Variants in COX11 observed in about 807,000 individuals in gnomAD.
The protein encoded by COX11 is cytochrome c oxidase assembly protein COX11, mitochondrial.
COX11 carries 18 observed loss-of-function variants against 29.4 expected under a neutral mutation model. That is an observed-to-expected ratio of 0.61 (90% CI 0.42 to 0.91). The LOEUF (loss-of-function observed/expected upper bound fraction) is 0.91. Ranked by LOEUF, COX11 falls within the 40% of genes least tolerant of loss-of-function variation. The probability of loss-of-function intolerance (pLI) is 0.00; values close to 1 mark genes in which losing one functional copy is unlikely to be tolerated. For missense variants in COX11, 312 were observed against 346.0 expected, an observed-to-expected ratio of 0.90 and a Z score of 0.78; for synonymous variants, 131 against 124.0, an observed-to-expected ratio of 1.06 and a Z score of -0.38.
chr17:54,966,603 T>C (rs2077220340), intron 1 of COX11, among the ~76,000 whole-genome samples: 1 of 152,192 alleles, frequency 6.6e-6, no homozygotes. Flanking sequence ...CAACCAAAAA[T>C]GTCTTCACAC....
chr17:54,966,123 G>A (rs2077213029), intron 1 of COX11, among the ~76,000 whole-genome samples: 1 of 152,188 alleles, frequency 6.6e-6, no homozygotes, highest in African/African-American at 2.4e-5. Flanking sequence ...CCTTCTGCCT[G>A]AGTGCTGTGT....
In COX11 at chr17:54,962,730, A is replaced by C. The variant is rs762844001; in HGVS notation, c.*3T>G. On this transcript the variant is annotated 3_prime_UTR_variant, in exon 4 of 4. Transcript: ENST00000299335. Reference sequence around the variant, plus strand: ...ACTTTGAAGGAAGACTTAGTTGCTGACTTCAATTATATCCTGGAACTGGCA... The same window carrying C: ...ACTTTGAAGGAAGACTTAGTTGCTGCCTTCAATTATATCCTGGAACTGGCA... 1.2e-6 allele frequency: 2 copies of C among 1,607,754 alleles called. No homozygotes were observed. Among genetic ancestry groups the C allele is most frequent in the Non-Finnish European group, 8.5e-7 (1 of 1,178,352 alleles).
chr17:54,963,568 T>C, intron 2 of COX11, 137 bp from the exon 3 acceptor site: 1 of 794,996 alleles, frequency 1.3e-6, no homozygotes, highest in East Asian at 3.0e-5. Flanking sequence ...GCAAAATAAA[T>C]TGTGAATATT....
exon 1 of COX11, chr17:54,953,427 G>T (rs1157373924): frequency 6.6e-6 from 1 of 152,360 alleles, no homozygotes; most frequent in East Asian, 1.9e-4. Flanking sequence ...GGGCTCCTTG[G>T]GGGAGATGTG....
At position 54,960,760 on chromosome 17, in the gene COX11, A is replaced by G; in HGVS notation, c.*1973T>C. Reference sequence around the variant, plus strand: ...ACACTTTGAAATATGAGTTCCCCTGAATCATTCAAATTGTGCTGAACCATT... The same window carrying G: ...ACACTTTGAAATATGAGTTCCCCTGGATCATTCAAATTGTGCTGAACCATT... On this transcript the variant is annotated 3_prime_UTR_variant, in exon 4 of 4. Coordinates refer to ENST00000299335, the MANE Select transcript of COX11 (RefSeq NM_004375.5). The G allele has an allele frequency of 1.5e-6, 1 of 669,494 alleles. No individual in the cohort carries two copies. The highest frequency in any genetic ancestry group is 2.7e-5 in the East Asian group (1 of 36,628). The allele number at this position is 669,494 out of a possible 1,614,324, so 41.5% of individuals were successfully genotyped here. A position where few individuals can be genotyped will look rare whatever the true frequency, so the allele number is the denominator to read the frequency against.
At chr17:54,965,741 G>A (rs1366277080) in intron 1 of COX11, among the ~76,000 whole-genome samples, 1 of 151,402 alleles carries the variant, frequency 6.6e-6, no homozygotes, top group Non-Finnish European at 1.5e-5. Flanking sequence ...TGAGGCAGAA[G>A]AATTGCTTGA....
Position 54,964,867 on chromosome 17 carries a change from C to T in COX11, c.367-15G>A. The T allele has an allele frequency of 1.2e-6, 2 of 1,608,878 alleles. No individual in the cohort carries two copies. Among genetic ancestry groups the T allele is most frequent in the Non-Finnish European group, 1.7e-6 (2 of 1,178,160 alleles). ...AGTCCAGTAGTCTAGAAAAAGATACCAAATATGTTAAACAATACTTTTAGG... is the reference window on the plus strand; with the variant it reads ...AGTCCAGTAGTCTAGAAAAAGATACTAAATATGTTAAACAATACTTTTAGG... On this transcript the variant is annotated splice_polypyrimidine_tract_variant and intron_variant, in intron 1 of 3. Transcript: ENST00000299335.
In COX11 at chr17:54,960,930, C is replaced by A. The variant is rs1234782438; in HGVS notation, c.*1803G>T. On this transcript the variant is annotated 3_prime_UTR_variant, in exon 4 of 4. Transcript: ENST00000299335. ...GCACTGAAATCAGGCATTTGTTTTT[C>A]ATATGCAGTTAATACTTGTTAACCG... Among the ~76,000 whole-genome samples, 6 of 152,170 alleles carry A rather than the reference C, an allele frequency of 3.9e-5. No homozygotes were observed. The highest frequency in any genetic ancestry group is 1.4e-4 in the African/African-American group (6 of 41,440).
intron 1 of COX11, among the ~76,000 whole-genome samples, chr17:54,965,711 C>T (rs1480650404): frequency 6.6e-6 from 1 of 152,016 alleles, no homozygotes; most frequent in East Asian, 1.9e-4. Context: ...CGCCTGTAGT[C>T]CCAGGTCTAC....
At position 54,968,480 on chromosome 17, in the gene COX11, C is replaced by G. The variant is rs985625756; in HGVS notation, c.167G>C (p.Trp56Ser). ...CCGGGCTCGAAGGCTGCAGCGCTTC[C>G]ATGTCCCAAGCCACCTCAGTCCTCT... is the stretch of plus-strand genomic sequence containing the variant. ...AERGLRWLGTWKRCSLRARHP... is the reference protein window; with the variant it reads ...AERGLRWLGTSKRCSLRARHP... The change falls in exon 1 of 4, where the codon TGG becomes TCG. Residue 56 changes from tryptophan to serine, a missense_variant. This residue lies in a region of COX11 where 130 missense variants were observed against 106.0 expected (regional missense o/e 1.23). Transcript: ENST00000299335. 7 of 1,613,408 alleles carry G rather than the reference C, an allele frequency of 4.3e-6. No homozygotes were observed. The highest frequency in any genetic ancestry group is 1.3e-5 in the African/African-American group (1 of 74,900).
chr17:54,955,074 G>A (rs2049426350), exon 1 of COX11: 1 of 149,298 alleles, frequency 6.7e-6, no homozygotes, highest in Non-Finnish European at 1.5e-5. Context: ...GACATTCTAC[G>A]GTCTCTGCAC....
At position 54,968,266 on chromosome 17, in the gene COX11, G is replaced by C. The variant is rs934536357; in HGVS notation, c.366+15C>G. The C allele has an allele frequency of 6.9e-6, 11 of 1,600,976 alleles. No individual in the cohort carries two copies. Among genetic ancestry groups the C allele is most frequent in the Non-Finnish European group, 9.4e-6 (11 of 1,175,500 alleles). ...CTCGCGTCTGCGCCACCCTGCGGGC[G>C]GCGCCGGCCCCTACCTGGCAATAGA... On this transcript the variant is annotated intron_variant, in intron 1 of 3. Transcript: ENST00000299335.
At position 54,962,177 on chromosome 17, in the gene COX11, A is replaced by T; in HGVS notation, c.*556T>A. 2 of 969,386 alleles carry T rather than the reference A, an allele frequency of 2.1e-6. No homozygotes were observed. The highest frequency in any genetic ancestry group is 2.5e-6 in the Non-Finnish European group (2 of 815,146). 60.0% of individuals were successfully genotyped at this position (969,386 alleles called of 1,614,324 possible). On this transcript the variant is annotated 3_prime_UTR_variant, in exon 4 of 4. Transcript: ENST00000299335. ...ATAAAATAGCCCTAAACCTTAAAGGACAAATCAAATTTGAAATAAGAATTT... is the reference window on the plus strand; with the variant it reads ...ATAAAATAGCCCTAAACCTTAAAGGTCAAATCAAATTTGAAATAAGAATTT...
Position 54,968,290 on chromosome 17 carries a change from G to A in COX11, c.357C>T (p.Leu119=). The change falls in exon 1 of 4, where the codon CTC becomes CTT. Residue 119 remains leucine, a synonymous_variant. Coordinates refer to ENST00000299335, the MANE Select transcript of COX11 (RefSeq NM_004375.5). The part of the protein sequence containing the change: ...ASYAAVPLYR[L]YCQTTGLGGS... ...CGGCGCCGGCCCCTACCTGGCAATAGAGCCGATAAAGGGGTACGGCAGCGT... is the reference window on the plus strand; with the variant it reads ...CGGCGCCGGCCCCTACCTGGCAATAAAGCCGATAAAGGGGTACGGCAGCGT... The A allele has an allele frequency of 6.2e-7, 1 of 1,612,098 alleles. No individual in the cohort carries two copies. Among genetic ancestry groups the A allele is most frequent in the Non-Finnish European group, 8.5e-7 (1 of 1,179,538 alleles).
Position 54,968,432 on chromosome 17 carries a change from C to G in COX11, c.215G>C (p.Arg72Pro). The G allele has an allele frequency of 6.2e-7, 1 of 1,613,460 alleles. No individual in the cohort carries two copies. The highest frequency in any genetic ancestry group is 8.5e-7 in the Non-Finnish European group (1 of 1,180,000). ...GAAAGGGTTCGAGCTCTTAGGCCGC[C>G]GCGGCGGCTGCAATGCTGGATGCCG... ...RARHPALQPP[R>P]RPKSSNPFTR... Residue 72 changes from arginine (R) to proline (P), a missense_variant, in exon 1 of 4, where the codon CGG (arginine) becomes CCG (proline). This residue lies in a region of COX11 where 130 missense variants were observed against 106.0 expected (regional missense o/e 1.23). Coordinates refer to ENST00000299335, the MANE Select transcript of COX11 (RefSeq NM_004375.5).
At chr17:54,954,233 C>A (rs1327728990) in exon 1 of COX11, 2 of 152,210 alleles carry the variant, frequency 1.3e-5, no homozygotes, top group African/African-American at 4.8e-5. Context: ...GGTCTGCACA[C>A]CTGGCCAGGT....
rs1802212 is a variant in COX11 at position 54,961,293 on chromosome 17, A to C, written c.*1440T>G. 0.26 allele frequency: 398,857 copies of C among 1,550,972 alleles called. 54,333 individuals carry two copies. The highest frequency in any genetic ancestry group is 0.28 in the Non-Finnish European group (322,564 of 1,146,508). On this transcript the variant is annotated 3_prime_UTR_variant, in exon 4 of 4. Transcript: ENST00000299335. ...AAGGTGCCAACTCTCTAAAACGTAG[A>C]CTCTGTGCAGCTTTGAAGCCTGGAA...
At chr17:54,964,534 T>C in intron 2 of COX11, 163 bp downstream of exon 2, 2 of 401,338 alleles carry the variant, frequency 5.0e-6, no homozygotes, top group South Asian at 2.8e-5. Context: ...ATTTATACTT[T>C]AACTTTTAAG....
rs766514764 is a variant in COX11, at chr17:54,968,642, C to T, written c.5G>A (p.Gly2Glu). 2.5e-6 allele frequency: 4 copies of T among 1,611,590 alleles called. No homozygotes were observed. The highest frequency in any genetic ancestry group is 1.3e-5 in the African/African-American group (1 of 74,992). M[G>E]GLWRPGWRCV... Reference sequence around the variant, plus strand: ...CCTCCATCCAGGACGCCAGAGCCCTCCCATAACCCTCTGAACTAACACCCA... The same window carrying T: ...CCTCCATCCAGGACGCCAGAGCCCTTCCATAACCCTCTGAACTAACACCCA... Residue 2 changes from glycine to glutamate, a missense_variant, in exon 1 of 4, where the codon GGA becomes GAA. By Grantham distance (98) the Gly-to-Glu change is moderately conservative (BLOSUM62 -2). This residue lies in a region of COX11 where 130 missense variants were observed against 106.0 expected (regional missense o/e 1.23). Transcript: ENST00000299335.
Sources: allele counts gnomAD v4.1 joint callset (sites outside exome capture counted in the v4.1 genomes callset), GRCh38; gene constraint gnomAD v4.1.1; regional missense constraint gnomAD v4.1.1; transcripts MANE v1.5; gene names NCBI Gene and HGNC (gene_info 2026-07-23, HGNC 2026-07-21).